The following CNTNAP5 variants were observed in gnomAD, a reference collection of about 807,000 sequenced individuals.
CNTNAP5 encodes the protein contactin-associated protein-like 5.
In CNTNAP5, 72 loss-of-function variants were observed where a neutral mutation model predicts 150.2. The observed-to-expected ratio is 0.48, with a 90% CI of 0.40 to 0.58. CNTNAP5 has a LOEUF of 0.58. CNTNAP5 is among the 20% of genes least tolerant of loss of function. CNTNAP5 has a pLI of 0.00. For synonymous variants in CNTNAP5, 672 were observed against 619.8 expected, an observed-to-expected ratio of 1.08 and a Z score of -1.25; for missense variants, 1,636 against 1,626.2, an observed-to-expected ratio of 1.01 and a Z score of -0.10.
At chr2:124,303,892 C>T (rs1329211603) in intron 3 of CNTNAP5, among the ~76,000 whole-genome samples, 1 of 152,072 alleles carries the variant, frequency 6.6e-6, no homozygotes, top group Admixed American at 6.6e-5. Flanking sequence ...ATTAGCCCAG[C>T]ATGATTTTGC....
At chr2:124,777,620 C>T (rs902064097) in intron 17 of CNTNAP5, among the ~76,000 whole-genome samples, 2 of 152,098 alleles carry the variant, frequency 1.3e-5, no homozygotes, top group African/African-American at 4.8e-5. Flanking sequence ...TGGGCTCAAA[C>T]AATCTGCCCA....
intron 3 of CNTNAP5, among the ~76,000 whole-genome samples, chr2:124,326,109 C>T (rs1032927508): frequency 1.3e-5 from 2 of 152,094 alleles, no homozygotes; most frequent in African/African-American, 2.4e-5. Flanking sequence ...AGTGCAGCCA[C>T]GGGAGACAGC....
intron 21 of CNTNAP5, among the ~76,000 whole-genome samples, chr2:124,876,553 A>T (rs1677864941): frequency 6.6e-6 from 1 of 151,956 alleles, no homozygotes; most frequent in African/African-American, 2.4e-5. Context: ...AACAGTTCAA[A>T]TATGTTGCGG....
chr2:124,733,409 GA>G (rs1680315907), intron 13 of CNTNAP5, among the ~76,000 whole-genome samples: 1 of 152,020 alleles, frequency 6.6e-6, no homozygotes. Flanking sequence ...CTTCTTATGG[GA>G]AAAAGCATTT....
At chr2:124,373,603 ACTAT>A (rs532167387) in intron 3 of CNTNAP5, among the ~76,000 whole-genome samples, 19 of 152,114 alleles carry the variant, frequency 1.2e-4, no homozygotes, top group Non-Finnish European at 2.6e-4. Flanking sequence ...TTATAAAAAC[ACTAT>A]CTAGAAGACT....
chr2:124,884,680 C>T (rs944907917), intron 21 of CNTNAP5, among the ~76,000 whole-genome samples: 3 of 151,980 alleles, frequency 2.0e-5, no homozygotes, highest in Non-Finnish European at 4.4e-5. Flanking sequence ...GAAAGAGGTT[C>T]TGAAAGTCGT....
At chr2:124,816,821 A>G (rs1055074381) in intron 19 of CNTNAP5, among the ~76,000 whole-genome samples, 1 of 152,142 alleles carries the variant, frequency 6.6e-6, no homozygotes, top group African/African-American at 2.4e-5. Context: ...AAATATATGT[A>G]TGTATGGATG....
At chr2:124,238,557 C>G (rs1159836568) in intron 2 of CNTNAP5, among the ~76,000 whole-genome samples, 1 of 152,130 alleles carries the variant, frequency 6.6e-6, no homozygotes, top group African/African-American at 2.4e-5. Context: ...ATTATTTTCT[C>G]TTTAAATGCA....
chr2:124,172,618 T>A (rs1684960277), intron 1 of CNTNAP5, among the ~76,000 whole-genome samples: 1 of 152,174 alleles, frequency 6.6e-6, no homozygotes, highest in Non-Finnish European at 1.5e-5. Context: ...CTCGCCATGT[T>A]GCTCAAGCTG....
At chr2:124,635,277 C>A (rs1413858431) in intron 12 of CNTNAP5, among the ~76,000 whole-genome samples, 1 of 152,128 alleles carries the variant, frequency 6.6e-6, no homozygotes, top group Non-Finnish European at 1.5e-5. Context: ...CACTTTTAAA[C>A]AACCAGATCC....
At chr2:124,691,972 G>A (rs907105908) in intron 13 of CNTNAP5, among the ~76,000 whole-genome samples, 1 of 152,064 alleles carries the variant, frequency 6.6e-6, no homozygotes, top group Non-Finnish European at 1.5e-5. Flanking sequence ...CCTCTGTCTT[G>A]GCATTAGGAG....
chr2:124,471,294 G>T (rs1443294976), intron 6 of CNTNAP5, among the ~76,000 whole-genome samples: 1 of 152,038 alleles, frequency 6.6e-6, no homozygotes, highest in Non-Finnish European at 1.5e-5. Flanking sequence ...TTCCTTGTTA[G>T]CTATATTTCT....
intron 2 of CNTNAP5, among the ~76,000 whole-genome samples, chr2:124,224,077 T>C (rs1686397636): frequency 6.6e-6 from 1 of 152,020 alleles, no homozygotes; most frequent in African/African-American, 2.4e-5. Flanking sequence ...GAGCATTGCC[T>C]GAGCCCATTT....
chr2:124,155,752 A>G (rs1486973393), intron 1 of CNTNAP5, among the ~76,000 whole-genome samples: 1 of 152,196 alleles, frequency 6.6e-6, no homozygotes, highest in Non-Finnish European at 1.5e-5. Context: ...TTTTTCACCC[A>G]TCCGTTTTTT....
At chr2:124,656,985 T>C (rs1353204796) in intron 13 of CNTNAP5, among the ~76,000 whole-genome samples, 1 of 152,240 alleles carries the variant, frequency 6.6e-6, no homozygotes, top group Non-Finnish European at 1.5e-5. Flanking sequence ...ATGTGTGACA[T>C]TTAATGAGAC....
intron 12 of CNTNAP5, among the ~76,000 whole-genome samples, chr2:124,632,787 C>T (rs1366135033): frequency 1.3e-5 from 2 of 151,996 alleles, no homozygotes; most frequent in Admixed American, 6.6e-5. Context: ...TTCATTGGCT[C>T]ATAGTTCCAC....
At chr2:124,270,986 T>A (rs1687735010) in intron 3 of CNTNAP5, among the ~76,000 whole-genome samples, 1 of 152,092 alleles carries the variant, frequency 6.6e-6, no homozygotes, top group Admixed American at 6.6e-5. Context: ...GGAATAGGAT[T>A]TTTTTATAGA....
chr2:124,852,364 A>G (rs1683175786), intron 19 of CNTNAP5, among the ~76,000 whole-genome samples: 1 of 152,190 alleles, frequency 6.6e-6, no homozygotes, highest in Non-Finnish European at 1.5e-5. Context: ...GATCTGTATC[A>G]GGAGCATTCT....
chr2:124,905,039 A>C (rs1678502906), intron 22 of CNTNAP5, among the ~76,000 whole-genome samples: 1 of 123,052 alleles, frequency 8.1e-6, no homozygotes. Flanking sequence ...ACTCAATAGC[A>C]AAAAAAAAAA....
Sources: allele counts gnomAD v4.1 joint callset (sites outside exome capture counted in the v4.1 genomes callset), GRCh38; gene constraint gnomAD v4.1.1; transcripts MANE v1.5; gene names NCBI Gene and HGNC (gene_info 2026-07-23, HGNC 2026-07-21).